EEF2KMT: variants seen among roughly 807,000 people sequenced by gnomAD.
EEF2KMT encodes the protein protein-lysine N-methyltransferase EEF2KMT.
EEF2KMT carries 30 observed loss-of-function variants against 35.1 expected under a neutral mutation model. The observed-to-expected ratio is 0.85, with a 90% CI of 0.64 to 1.16. The LOEUF (loss-of-function observed/expected upper bound fraction) is 1.16, where lower values mean the gene tolerates loss of function less well. Among genes scored for constraint, EEF2KMT ranks in the 50% most tolerant of loss-of-function variants. The probability of loss-of-function intolerance (pLI) is 0.00; values close to 1 mark genes in which losing one functional copy is unlikely to be tolerated. For missense variants in EEF2KMT, 499 were observed against 438.2 expected (o/e 1.14, Z -1.24); for synonymous variants, 190 against 187.7 (o/e 1.01, Z -0.10).
rs114470989 is a variant in EEF2KMT at position 5,084,551 on chromosome 16, C to T, written c.*1081G>A. 3.6e-3 allele frequency: 3,068 copies of T among 850,854 alleles called. 66 individuals carry two copies. The African/African-American group carries it at 0.046, about 13-fold the overall frequency. 52.7% of individuals were successfully genotyped at this position (850,854 alleles called of 1,614,324 possible). Reference sequence around the variant, plus strand: ...ACCAAGTGTGGGAAAGTGGGACATGCGGGGAAGTTTCCAGAAACTGTGATG... The same window carrying T: ...ACCAAGTGTGGGAAAGTGGGACATGTGGGGAAGTTTCCAGAAACTGTGATG... On this transcript the variant is annotated 3_prime_UTR_variant, in exon 8 of 8. Transcript: ENST00000427587.
chr16:5,089,776 T>C (rs2333961), intron 6 of EEF2KMT, among the ~76,000 whole-genome samples: 1 of 151,876 alleles, frequency 6.6e-6, no homozygotes, highest in African/African-American at 2.4e-5. Flanking sequence ...GGGCCCTGTC[T>C]TCGTCCCAGA....
At chr16:5,093,451 C>G in intron 3 of EEF2KMT, 33 bp downstream of exon 3, 1 of 1,611,918 alleles carries the variant, frequency 6.2e-7, no homozygotes. Context: ...GCTATGCTGT[C>G]CGGCTACTGG....
intron 7 of EEF2KMT, among the ~76,000 whole-genome samples, chr16:5,088,002 TGA>T (rs1957246712): frequency 6.7e-6 from 1 of 149,612 alleles, no homozygotes; most frequent in Non-Finnish European, 1.5e-5. Flanking sequence ...AGTGCAGTGG[TGA>T]GATCAGGGCT....
chr16:5,093,271 C>G (rs1360557810), intron 3 of EEF2KMT, among the ~76,000 whole-genome samples: 1 of 152,214 alleles, frequency 6.6e-6, no homozygotes, highest in Non-Finnish European at 1.5e-5. Flanking sequence ...CGTGGAAACC[C>G]CAGGAGGCAG....
In EEF2KMT at chr16:5,097,400, C is replaced by G. The variant is rs190115288; in HGVS notation, c.96+244G>C. The G allele has an allele frequency of 2.8e-4, 406 of 1,463,378 alleles. 1 individual carries two copies. In the African/African-American group the frequency reaches 5.1e-3, roughly 18 times the overall value. 90.6% of individuals were successfully genotyped at this position (1,463,378 alleles called of 1,614,324 possible). A position where few individuals can be genotyped will look rare whatever the true frequency, so the allele number is the denominator to read the frequency against. On this transcript the variant is annotated intron_variant, in intron 1 of 7. Transcript: ENST00000427587. ...ATCGTGAACTGTACCCCACACCGAG[C>G]GCGCGTCTGCCCCCCAAGGCTGTGG...
At chr16:5,092,818 C>T (rs928825204) in intron 3 of EEF2KMT, among the ~76,000 whole-genome samples, 1 of 152,098 alleles carries the variant, frequency 6.6e-6, no homozygotes, top group African/African-American at 2.4e-5. Context: ...AAAAATTAGC[C>T]AGGCATGGTG....
intron 2 of EEF2KMT, among the ~76,000 whole-genome samples, chr16:5,094,915 C>T (rs1056739405): frequency 3.9e-5 from 6 of 152,120 alleles, no homozygotes; most frequent in African/African-American, 1.4e-4. Flanking sequence ...CATGGCCCTT[C>T]GAACGTGAAG....
chr16:5,097,616 G>A (rs1479066748), intron 1 of EEF2KMT, 28 bp downstream of exon 1: 15 of 1,540,592 alleles, frequency 9.7e-6, no homozygotes, highest in Middle Eastern at 4.6e-4. Context: ...CGAGCCCCGC[G>A]GGCCTCTCCG....
Position 5,085,191 on chromosome 16 carries a change from C to T in EEF2KMT, c.*441G>A. ...CAGAACTCCTCATCCTGCGTTTGGT[C>T]TCCAGGTGTCCCCTTTCTGCCGTGT... On this transcript the variant is annotated 3_prime_UTR_variant, in exon 8 of 8. Coordinates refer to ENST00000427587, the MANE Select transcript of EEF2KMT (RefSeq NM_201400.4). 3.5e-6 allele frequency: 2 copies of T among 571,480 alleles called. No homozygotes were observed. Among genetic ancestry groups the T allele is most frequent in the Non-Finnish European group, 6.2e-6 (2 of 322,540 alleles). The allele number at this position is 571,480 out of a possible 1,614,324, so 35.4% of individuals were successfully genotyped here.
intron 7 of EEF2KMT, among the ~76,000 whole-genome samples, chr16:5,086,135 A>G (rs1957155623): frequency 6.6e-6 from 1 of 152,212 alleles, no homozygotes; most frequent in Admixed American, 6.5e-5. Context: ...CAGGAGTTCG[A>G]GACCAGCCTG....
chr16:5,097,240 G>C (rs751236550), intron 1 of EEF2KMT: 5 of 1,266,618 alleles, frequency 3.9e-6, no homozygotes, highest in East Asian at 5.2e-5. Context: ...ACGAGGGACA[G>C]CCTGTGACCC....
chr16:5,089,111 C>G lies in EEF2KMT; in HGVS notation c.888G>C (p.Glu296Asp), dbSNP rs1359702901. The change falls in exon 7 of 8, where the codon GAG becomes GAC. Residue 296 changes from glutamate (E) to aspartate (D), a missense_variant. By Grantham distance (45) the Glu-to-Asp change is conservative. Coordinates refer to ENST00000427587, the MANE Select transcript of EEF2KMT (RefSeq NM_201400.4). The stretch of plus-strand genomic sequence containing the variant: ...CGGGTGGGCGTGGAGGCTCACCTAG[C>G]TCGGTGGTGAACAGCTGGCACGTCT... ...NPETCQLFTT[E>D]LGRAGIRWEV... The G allele has an allele frequency of 6.2e-7, 1 of 1,612,724 alleles. No individual in the cohort carries two copies. Among genetic ancestry groups the G allele is most frequent in the Non-Finnish European group, 8.5e-7 (1 of 1,179,854 alleles).
At chr16:5,091,282 A>G (rs1202551699) in intron 4 of EEF2KMT, among the ~76,000 whole-genome samples, 1 of 151,970 alleles carries the variant, frequency 6.6e-6, no homozygotes, top group African/African-American at 2.4e-5. Flanking sequence ...GAGTTTCACC[A>G]TGTTGGCCAG....
intron 2 of EEF2KMT, chr16:5,095,225 G>T: frequency 1.7e-6 from 1 of 588,438 alleles, no homozygotes; most frequent in Non-Finnish European, 2.9e-6. Context: ...CCCTCTCATT[G>T]CAGGTTTTTG....
chr16:5,089,401 G>A (rs1957293034), intron 6 of EEF2KMT, 145 bp from the exon 7 acceptor site: 2 of 1,134,924 alleles, frequency 1.8e-6, no homozygotes, highest in Admixed American at 2.5e-5. Flanking sequence ...TAGATGGAAA[G>A]GCAATTACTT....
chr16:5,093,149 T>G (rs1361823206), intron 3 of EEF2KMT, among the ~76,000 whole-genome samples: 11 of 152,166 alleles, frequency 7.2e-5, no homozygotes, highest in Admixed American at 6.5e-4. Context: ...TCCAAACCCT[T>G]CAGCGGGCAG....
intron 7 of EEF2KMT, among the ~76,000 whole-genome samples, chr16:5,088,594 C>A (rs1267498701): frequency 6.6e-6 from 1 of 152,094 alleles, no homozygotes; most frequent in African/African-American, 2.4e-5. Flanking sequence ...TGACAGCACA[C>A]CCTCACAGTT....
intron 6 of EEF2KMT, among the ~76,000 whole-genome samples, chr16:5,089,580 G>A (rs570285280): frequency 6.6e-6 from 1 of 152,294 alleles, no homozygotes; most frequent in South Asian, 2.1e-4. Flanking sequence ...CATGTTTCAG[G>A]CATCTGCTGA....
At chr16:5,097,020 C>T (rs759946960) in intron 1 of EEF2KMT, among the ~76,000 whole-genome samples, 2 of 152,226 alleles carry the variant, frequency 1.3e-5, no homozygotes, top group Non-Finnish European at 2.9e-5. Context: ...GAGCTCACCG[C>T]ACATGAATTA....
Sources: gnomAD v4.1 joint callset for allele counts (sites outside exome capture counted in the v4.1 genomes callset) on GRCh38, gnomAD v4.1.1 for gene constraint, MANE v1.5 for transcripts, NCBI Gene and HGNC (gene_info 2026-07-23, HGNC 2026-07-21) for gene names.